Variants in ROBO1 observed in about 807,000 individuals in gnomAD.
The protein encoded by ROBO1 is roundabout homolog 1.
In ROBO1, 149 loss-of-function variants were observed where a neutral mutation model predicts 195.9. The observed-to-expected ratio is 0.76, with a 90% CI of 0.67 to 0.87. The LOEUF (loss-of-function observed/expected upper bound fraction) is 0.87, where lower values mean the gene tolerates loss of function less well. Ranked by LOEUF, ROBO1 falls within the 40% of genes least tolerant of loss-of-function variation. The probability of loss-of-function intolerance (pLI) is 0.00; values close to 1 mark genes in which losing one functional copy is unlikely to be tolerated. For synonymous variants in ROBO1, 816 were observed against 733.2 expected, an observed-to-expected ratio of 1.11 and a Z score of -1.82; for missense variants, 1,933 against 2,068.3, an observed-to-expected ratio of 0.93 and a Z score of 1.27.
intron 3 of ROBO1, among the ~76,000 whole-genome samples, chr3:78,988,243 T>C (rs1024046668): frequency 5.3e-5 from 8 of 152,118 alleles, no homozygotes; most frequent in Non-Finnish European, 1.2e-4. Flanking sequence ...TGTCAGCGTT[T>C]TCATCACAAT....
intron 26 of ROBO1, among the ~76,000 whole-genome samples, chr3:78,620,883 A>ATATGTGTGTGTGTGTGTGTGTGTGTG (rs368794312): frequency 2.8e-5 from 4 of 144,624 alleles, no homozygotes; most frequent in Non-Finnish European, 4.5e-5. Context: ...ATATATATAT[A>ATATGTGTGTGTGTGTGTGTGTGTGTG]TGTGTGTGTG....
At chr3:79,023,407 G>T (rs564611342) in intron 3 of ROBO1, among the ~76,000 whole-genome samples, 2 of 152,268 alleles carry the variant, frequency 1.3e-5, no homozygotes, top group South Asian at 4.1e-4. Flanking sequence ...CCGAATAAAA[G>T]GAGAGTAAAT....
chr3:79,006,091 TA>T (rs1379222542), intron 3 of ROBO1, among the ~76,000 whole-genome samples: 1 of 152,208 alleles, frequency 6.6e-6, no homozygotes, highest in African/African-American at 2.4e-5. Flanking sequence ...TTTCTCTTCT[TA>T]TTCAAGAATA....
rs747617069 is a variant in ROBO1 at position 78,606,989 on chromosome 3, T to C, written c.4488A>G (p.Gln1496=). 8.1e-6 allele frequency: 13 copies of C among 1,613,830 alleles called. No homozygotes were observed. Among genetic ancestry groups the C allele is most frequent in the South Asian group, 7.7e-5 (7 of 91,070 alleles). Residue 1496 remains glutamine (Q), a synonymous_variant, in exon 29 of 31, where the codon CAA becomes CAG. Transcript: ENST00000464233. ...GTCGTACTTCCAGCTGTGTCTTGGA[T>C]TGGGCAGTAGGTGACTTTATAGCAG... is the stretch of plus-strand genomic sequence containing the variant. ...PPPAIKSPTA[Q]SKTQLEVRPV... is the part of the protein sequence containing the mutation.
Position 79,625,423 on chromosome 3 carries a change from G to GAA in ROBO1, c.-50-35464_-50-35463dup. Among the ~76,000 whole-genome samples the GAA allele has an allele frequency of 3.7e-3, 52 of 13,882 alleles. 7 individuals are homozygous for GAA. The highest frequency in any genetic ancestry group is 0.022 in the East Asian group (7 of 312). The allele number at this position is 13,882 out of a possible 152,430, so 9.1% of individuals were successfully genotyped here. A position where few individuals can be genotyped will look rare whatever the true frequency, so the allele number is the denominator to read the frequency against. On this transcript the variant is annotated intron_variant, in intron 1 of 30. Transcript: ENST00000464233. The stretch of plus-strand genomic sequence containing the variant: ...AAGTAATCCAGTAGCTGTTTTTTTT[G>GAA]AAAAAAAAAAAAAAAAAAAAAGCAA...
At chr3:79,604,746 G>A (rs1944433227) in intron 1 of ROBO1, among the ~76,000 whole-genome samples, 1 of 151,714 alleles carries the variant, frequency 6.6e-6, no homozygotes, top group Non-Finnish European at 1.5e-5. Context: ...TTTATTCTGT[G>A]GTCATTTTCT....
At chr3:79,042,292 G>A (rs2078502016) in intron 3 of ROBO1, among the ~76,000 whole-genome samples, 1 of 151,956 alleles carries the variant, frequency 6.6e-6, no homozygotes, top group Non-Finnish European at 1.5e-5. Context: ...TATATATAAT[G>A]CAACCTCTCA....
chr3:78,684,275 AC>A (rs1379731122), intron 10 of ROBO1, among the ~76,000 whole-genome samples: 1 of 152,180 alleles, frequency 6.6e-6, no homozygotes, highest in Non-Finnish European at 1.5e-5. Flanking sequence ...GCAAAAATAT[AC>A]ACAAAAGTCT....
At chr3:79,714,244 A>C (rs1377426200) in intron 1 of ROBO1, among the ~76,000 whole-genome samples, 3 of 152,204 alleles carry the variant, frequency 2.0e-5, no homozygotes, top group African/African-American at 4.8e-5. Context: ...AAACACATGA[A>C]AAAATATTCA....
At chr3:79,181,154 G>A (rs563143549) in intron 2 of ROBO1, among the ~76,000 whole-genome samples, 2 of 152,114 alleles carry the variant, frequency 1.3e-5, no homozygotes, top group African/African-American at 4.8e-5. Context: ...CTCCTTCAGG[G>A]AACCCACGGA....
chr3:78,874,707 T>C (rs996012901), intron 4 of ROBO1, among the ~76,000 whole-genome samples: 1 of 151,936 alleles, frequency 6.6e-6, no homozygotes, highest in Non-Finnish European at 1.5e-5. Context: ...ACTAACAAGT[T>C]AGTCAGTTTT....
chr3:79,200,452 A>G (rs988308200), intron 2 of ROBO1, among the ~76,000 whole-genome samples: 1 of 151,812 alleles, frequency 6.6e-6, no homozygotes, highest in Non-Finnish European at 1.5e-5. Flanking sequence ...GATTCTCGGT[A>G]CCTTAATTTT....
chr3:79,557,385 A>G (rs1187758475), intron 2 of ROBO1, among the ~76,000 whole-genome samples: 2 of 152,092 alleles, frequency 1.3e-5, no homozygotes, highest in African/African-American at 4.8e-5. Flanking sequence ...TTCATTTTAA[A>G]TTTCTTTTTC....
intron 4 of ROBO1, among the ~76,000 whole-genome samples, chr3:78,791,650 T>C (rs1209104531): frequency 6.6e-6 from 1 of 152,222 alleles, no homozygotes; most frequent in African/African-American, 2.4e-5. Flanking sequence ...CGTCTGCTGA[T>C]ACATCAACCT....
At chr3:79,624,925 C>T in intron 1 of ROBO1, among the ~76,000 whole-genome samples, 1 of 152,166 alleles carries the variant, frequency 6.6e-6, no homozygotes, top group East Asian at 1.9e-4. Context: ...GGCACTTATT[C>T]TAAAATCGAC....
chr3:78,712,037 A>C (rs142147752), intron 8 of ROBO1, among the ~76,000 whole-genome samples: 36,439 of 141,256 alleles, frequency 0.26, 5,668 homozygotes, highest in African/African-American at 0.28. Flanking sequence ...AAAAAAAAAA[A>C]AAAAAAAAAA....
At chr3:78,940,221 C>T (rs764540371) in intron 3 of ROBO1, among the ~76,000 whole-genome samples, 2 of 151,908 alleles carry the variant, frequency 1.3e-5, no homozygotes, top group African/African-American at 4.8e-5. Context: ...CTGAAAAGTT[C>T]TCAAATTACT....
chr3:79,122,805 G>T (rs1161696709), intron 3 of ROBO1, among the ~76,000 whole-genome samples: 4 of 151,616 alleles, frequency 2.6e-5, no homozygotes, highest in African/African-American at 9.7e-5. Flanking sequence ...TCTTCTTTTG[G>T]GATTATTTCA....
At chr3:79,541,206 T>A (rs1942053035) in intron 2 of ROBO1, among the ~76,000 whole-genome samples, 1 of 152,080 alleles carries the variant, frequency 6.6e-6, no homozygotes, top group South Asian at 2.1e-4. Context: ...CAGAAAACAA[T>A]CACGTTAATC....
Sources: allele counts gnomAD v4.1 joint callset (sites outside exome capture counted in the v4.1 genomes callset), GRCh38; gene constraint gnomAD v4.1.1; transcripts MANE v1.5; gene names NCBI Gene and HGNC (gene_info 2026-07-23, HGNC 2026-07-21).